The following SDK1 variants were observed in gnomAD, a reference collection of about 807,000 sequenced individuals.
SDK1 encodes sidekick cell adhesion molecule 1, also known as protein sidekick-1.
Under a neutral mutation model 245.5 loss-of-function variants are expected in SDK1, and 157 were observed. That is an observed-to-expected ratio of 0.64 (90% CI 0.56 to 0.73). The LOEUF (loss-of-function observed/expected upper bound fraction) is 0.73. Ranked by LOEUF, SDK1 falls within the 30% of genes least tolerant of loss-of-function variation. SDK1 has a pLI of 0.00. For synonymous variants in SDK1, 1,647 were observed against 1,278.5 expected (o/e 1.29, Z -6.15); for missense variants, 3,583 against 3,002.3 (o/e 1.19, Z -4.52).
intron 22 of SDK1, among the ~76,000 whole-genome samples, chr7:4,083,745 C>CCTCCCTCCCTT (rs1781241756): frequency 1.4e-4 from 1 of 7,306 alleles, no homozygotes; most frequent in South Asian, 6.5e-3. Flanking sequence ...TCCCTCCCTT[C>CCTCCCTCCCTT]CTTTACTTCC....
chr7:3,576,773 T>C (rs2128631329), intron 1 of SDK1, among the ~76,000 whole-genome samples: 1 of 152,134 alleles, frequency 6.6e-6, no homozygotes, highest in East Asian at 1.9e-4. Flanking sequence ...AGCTTCAGCA[T>C]TTTGTTCCTG....
chr7:3,667,121 T>C (rs952093066), intron 4 of SDK1, among the ~76,000 whole-genome samples: 4 of 152,206 alleles, frequency 2.6e-5, no homozygotes, highest in African/African-American at 9.6e-5. Flanking sequence ...TATTGTAATA[T>C]GTCTTGTGCA....
chr7:3,618,474 G>C (rs1209705563), intron 1 of SDK1, among the ~76,000 whole-genome samples: 1 of 152,182 alleles, frequency 6.6e-6, no homozygotes, highest in African/African-American at 2.4e-5. Flanking sequence ...GGATTTACCT[G>C]TGTTGCTATG....
chr7:3,738,918 G>T (rs1779397364), intron 4 of SDK1, among the ~76,000 whole-genome samples: 1 of 151,786 alleles, frequency 6.6e-6, no homozygotes, highest in African/African-American at 2.4e-5. Context: ...CAGGTTTTTT[G>T]TGGAATCTTT....
intron 31 of SDK1, 106 bp downstream of exon 31, chr7:4,158,657 G>A (rs1780924281): frequency 1.4e-6 from 1 of 732,168 alleles, no homozygotes; most frequent in East Asian, 2.6e-5. Flanking sequence ...CCAGGGAGTG[G>A]TGGAAAGCAG....
At chr7:3,943,974 C>T (rs1354073947) in intron 5 of SDK1, among the ~76,000 whole-genome samples, 2 of 152,212 alleles carry the variant, frequency 1.3e-5, no homozygotes, top group East Asian at 3.9e-4. Flanking sequence ...AGAAATCCTC[C>T]TTTGACTCAG....
Position 3,502,058 on chromosome 7 carries a change from T to C in SDK1, c.299-117022T>C, listed in dbSNP as rs563192374. ...CATATAAGCTTACTGCCATTTGATT[T>C]CTATAATTAAAAATATTAATATTAT... On this transcript the variant is annotated intron_variant, in intron 1 of 44. Transcript: ENST00000404826. 3.9e-5 allele frequency among the ~76,000 whole-genome samples: 6 copies of C among 152,252 alleles called. No homozygotes were observed. In the South Asian group the frequency reaches 1.2e-3, roughly 32 times the overall value.
chr7:3,496,156 T>A lies in SDK1; in HGVS notation c.299-122924T>A, dbSNP rs377476653. Among the ~76,000 whole-genome samples, 33 of 152,234 alleles carry A rather than the reference T, an allele frequency of 2.2e-4. No individual in the cohort carries two copies. The East Asian group carries it at 4.8e-3, about 22-fold the overall frequency. ...GCTGAGCAGCTGTATGCCTTTAACT[T>A]CTCTGTCACTGCTGCCTCCTCATTG... On this transcript the variant is annotated intron_variant, in intron 1 of 44. Coordinates refer to ENST00000404826, the MANE Select transcript of SDK1 (RefSeq NM_152744.4).
At chr7:3,708,774 A>T (rs1784954562) in intron 4 of SDK1, among the ~76,000 whole-genome samples, 2 of 152,260 alleles carry the variant, frequency 1.3e-5, no homozygotes, top group South Asian at 4.1e-4. Context: ...AGGGGCACAT[A>T]TCCAAACTCT....
chr7:3,466,974 C>CTG, intron 1 of SDK1, among the ~76,000 whole-genome samples: 1 of 119,218 alleles, frequency 8.4e-6, no homozygotes, highest in African/African-American at 3.5e-5. Context: ...TCTCCTCTCT[C>CTG]TCTCTACACA....
intron 35 of SDK1, 32 bp from the exon 36 acceptor site, chr7:4,205,847 C>G: frequency 7.9e-6 from 12 of 1,521,720 alleles, no homozygotes; most frequent in Non-Finnish European, 1.1e-5. Context: ...GAATGAACGT[C>G]TCAGCTTCTC....
chr7:3,686,864 G>T (rs1251168387), intron 4 of SDK1, among the ~76,000 whole-genome samples: 1 of 152,144 alleles, frequency 6.6e-6, no homozygotes, highest in Non-Finnish European at 1.5e-5. Flanking sequence ...AGGTTCCAGG[G>T]CACTGGGGCA....
At chr7:4,109,559 G>A (rs541484352) in intron 22 of SDK1, among the ~76,000 whole-genome samples, 37 of 152,296 alleles carry the variant, frequency 2.4e-4, no homozygotes, top group Admixed American at 6.5e-4. Context: ...GCTTGCAGCC[G>A]GCCTTCTCTG....
At chr7:4,034,057 G>T (rs1302218005) in intron 17 of SDK1, among the ~76,000 whole-genome samples, 1 of 152,174 alleles carries the variant, frequency 6.6e-6, no homozygotes, top group Non-Finnish European at 1.5e-5. Context: ...GTGTACCACT[G>T]GATAGGATGC....
chr7:3,762,717 C>A (rs1407588969), intron 4 of SDK1, among the ~76,000 whole-genome samples: 2 of 152,110 alleles, frequency 1.3e-5, no homozygotes, highest in African/African-American at 4.8e-5. Flanking sequence ...AGACTTAAAA[C>A]CAAATATGTT....
At chr7:3,727,046 G>A (rs1779031331) in intron 4 of SDK1, among the ~76,000 whole-genome samples, 1 of 152,214 alleles carries the variant, frequency 6.6e-6, no homozygotes, top group Non-Finnish European at 1.5e-5. Context: ...TCTTGGGAAT[G>A]TGCATTGCAG....
intron 4 of SDK1, among the ~76,000 whole-genome samples, chr7:3,819,575 C>T (rs930500234): frequency 1.3e-5 from 2 of 151,846 alleles, no homozygotes; most frequent in Non-Finnish European, 1.5e-5. Context: ...GCCAGTGTAA[C>T]ATATACTAAA....
rs545988502 is a variant in SDK1 at position 3,982,725 on chromosome 7, A to C, written c.1995-4461A>C. Among the ~76,000 whole-genome samples the C allele has an allele frequency of 1.1e-3, 165 of 152,208 alleles. 3 individuals are homozygous for C. The highest frequency in any genetic ancestry group is 3.8e-3 in the African/African-American group (159 of 41,546). Reference sequence around the variant, plus strand: ...CTTGGTGGCGGGTGCCTGTAGTCCCAGCTACTCGGGGGGCTGAGTCAGGAG... The same window carrying C: ...CTTGGTGGCGGGTGCCTGTAGTCCCCGCTACTCGGGGGGCTGAGTCAGGAG... On this transcript the variant is annotated intron_variant, in intron 13 of 44. Transcript: ENST00000404826.
chr7:3,738,395 A>T (rs915458534), intron 4 of SDK1, among the ~76,000 whole-genome samples: 3 of 152,080 alleles, frequency 2.0e-5, no homozygotes, highest in African/African-American at 7.2e-5. Context: ...AATCTATTAC[A>T]TTGGTTTGTA....
Sources: allele counts gnomAD v4.1 joint callset (sites outside exome capture counted in the v4.1 genomes callset), GRCh38; gene constraint gnomAD v4.1.1; transcripts MANE v1.5; gene names NCBI Gene and HGNC (gene_info 2026-07-23, HGNC 2026-07-21).